Variants in ATP8A1 observed in about 807,000 individuals in gnomAD.
ATP8A1 encodes the protein ATPase phospholipid transporting 8A1, also known as phospholipid-transporting ATPase IA.
A neutral mutation model predicts 177.7 loss-of-function variants in ATP8A1; 90 were observed. The ratio of observed to expected loss-of-function variants is 0.51; its 90% CI spans 0.43 to 0.60. ATP8A1 has a LOEUF of 0.60. Ranked by LOEUF, ATP8A1 falls within the 20% of genes least tolerant of loss-of-function variation. The pLI is 0.00. For missense variants in ATP8A1, 1,072 were observed against 1,392.8 expected, an observed-to-expected ratio of 0.77 and a Z score of 3.67; for synonymous variants, 493 against 485.9, an observed-to-expected ratio of 1.01 and a Z score of -0.19.
chr4:42,654,478 G>C (rs981555633), intron 1 of ATP8A1, among the ~76,000 whole-genome samples: 1 of 152,068 alleles, frequency 6.6e-6, no homozygotes, highest in African/African-American at 2.4e-5. Flanking sequence ...GGGAGGGCAG[G>C]CTCCAAGGTC....
At chr4:42,622,986 G>A (rs1202083071) in intron 4 of ATP8A1, among the ~76,000 whole-genome samples, 2 of 142,106 alleles carry the variant, frequency 1.4e-5, no homozygotes, top group Non-Finnish European at 3.0e-5. Context: ...TCCAGCCTGG[G>A]TGATAAGAGC....
chr4:42,486,491 T>C (rs1722216417), intron 24 of ATP8A1, among the ~76,000 whole-genome samples: 1 of 152,180 alleles, frequency 6.6e-6, no homozygotes, highest in Non-Finnish European at 1.5e-5. Context: ...TATTCCTAAT[T>C]AGACGGGGAG....
chr4:42,564,974 G>A (rs1016612921), intron 15 of ATP8A1, among the ~76,000 whole-genome samples: 3 of 152,106 alleles, frequency 2.0e-5, no homozygotes, highest in Non-Finnish European at 1.5e-5. Context: ...TAAGTCTCAC[G>A]AGATCTTATG....
chr4:42,630,407 T>C (rs1008843572), intron 1 of ATP8A1, among the ~76,000 whole-genome samples: 2 of 152,182 alleles, frequency 1.3e-5, no homozygotes, highest in Non-Finnish European at 2.9e-5. Flanking sequence ...TAAGGACTAC[T>C]GAAAACTCTG....
chr4:42,641,924 G>A (rs1308301035), intron 1 of ATP8A1, among the ~76,000 whole-genome samples: 1 of 152,010 alleles, frequency 6.6e-6, no homozygotes, highest in Non-Finnish European at 1.5e-5. Flanking sequence ...AGTCAGTGGA[G>A]TTTAACTGGC....
At chr4:42,596,666 C>CAAAAAAAAAAAA (rs71648737) in intron 6 of ATP8A1, among the ~76,000 whole-genome samples, 8 of 73,950 alleles carry the variant, frequency 1.1e-4, no homozygotes, top group African/African-American at 1.5e-4. Context: ...GACTCCATCT[C>CAAAAAAAAAAAA]AAAAAAAAAA....
intron 5 of ATP8A1, among the ~76,000 whole-genome samples, chr4:42,608,723 T>C (rs1198959091): frequency 2.0e-5 from 3 of 152,164 alleles, no homozygotes; most frequent in Non-Finnish European, 4.4e-5. Context: ...ACTGTTGTCA[T>C]AGAGGAATAG....
intron 5 of ATP8A1, among the ~76,000 whole-genome samples, chr4:42,610,959 GTTGCTATTTTAAGTCCC>G (rs1736308487): frequency 6.6e-6 from 1 of 152,186 alleles, no homozygotes; most frequent in Non-Finnish European, 1.5e-5. Flanking sequence ...CAAGAAAGGT[GTTGCTATTTTAAGTCCC>G]TTAGCATAAT....
chr4:42,480,542 T>C (rs959728550), intron 25 of ATP8A1, among the ~76,000 whole-genome samples: 1 of 152,240 alleles, frequency 6.6e-6, no homozygotes, highest in African/African-American at 2.4e-5. Flanking sequence ...TGAGCATTTA[T>C]TAGCTTCATT....
At chr4:42,523,306 T>A (rs1726334749) in intron 21 of ATP8A1, among the ~76,000 whole-genome samples, 1 of 152,128 alleles carries the variant, frequency 6.6e-6, no homozygotes, top group African/African-American at 2.4e-5. Flanking sequence ...CAGTTAGATA[T>A]CTAGGTTCAC....
At chr4:42,624,449 GA>G in intron 4 of ATP8A1, 86 bp downstream of exon 4, 3 of 698,588 alleles carry the variant, frequency 4.3e-6, no homozygotes, top group Non-Finnish European at 6.7e-6. Flanking sequence ...CCCACGCCAA[GA>G]ATTAAATAAT....
chr4:42,521,065 A>T (rs775388250), intron 22 of ATP8A1, among the ~76,000 whole-genome samples: 7 of 152,204 alleles, frequency 4.6e-5, no homozygotes, highest in African/African-American at 1.7e-4. Flanking sequence ...CTTTCAAGAC[A>T]GAGGCACGAC....
chr4:42,605,028 A>C (rs535374314), intron 5 of ATP8A1, among the ~76,000 whole-genome samples: 2 of 152,316 alleles, frequency 1.3e-5, no homozygotes, highest in South Asian at 4.2e-4. Flanking sequence ...AGAAAGAAAG[A>C]CTGACTGTTT....
chr4:42,422,381 C>T (rs553223420), intron 35 of ATP8A1, among the ~76,000 whole-genome samples: 133 of 152,140 alleles, frequency 8.7e-4, no homozygotes, highest in Non-Finnish European at 1.6e-3. Context: ...TGAGCCACCA[C>T]GCCTGGCCAA....
At chr4:42,512,479 G>A (rs1242497460) in intron 22 of ATP8A1, among the ~76,000 whole-genome samples, 1 of 152,152 alleles carries the variant, frequency 6.6e-6, no homozygotes, top group Non-Finnish European at 1.5e-5. Context: ...ACTCCAAGCA[G>A]GTGCTTCTGG....
intron 19 of ATP8A1, among the ~76,000 whole-genome samples, chr4:42,544,671 T>C (rs1006403821): frequency 1.3e-5 from 2 of 152,212 alleles, no homozygotes; most frequent in African/African-American, 4.8e-5. Flanking sequence ...TGCGACAGCA[T>C]TACAAAGGAT....
rs1236935149 is a variant in ATP8A1 at position 42,409,673 on chromosome 4, T to A, written c.*3243A>T. 1 of 152,142 alleles carries A rather than the reference T, an allele frequency of 6.6e-6. No individual in the cohort carries two copies. Among genetic ancestry groups the A allele is most frequent in the Non-Finnish European group, 1.5e-5 (1 of 67,976 alleles). 9.4% of individuals were successfully genotyped at this position (152,142 alleles called of 1,614,324 possible). On this transcript the variant is annotated 3_prime_UTR_variant, in exon 37 of 37. Coordinates refer to ENST00000381668, the MANE Select transcript of ATP8A1 (RefSeq NM_006095.2). ...TAGCTTTGTAGTAATTATGACATTG[T>A]CATAATTTTAAAACTATGAATAATA...
intron 33 of ATP8A1, among the ~76,000 whole-genome samples, chr4:42,442,723 A>C (rs558506641): frequency 6.6e-6 from 1 of 152,338 alleles, no homozygotes; most frequent in East Asian, 1.9e-4. Flanking sequence ...CAAAAGTGAA[A>C]GGTACTCAGG....
At chr4:42,507,802 A>AAAC (rs1553890696) in intron 22 of ATP8A1, among the ~76,000 whole-genome samples, 3 of 147,484 alleles carry the variant, frequency 2.0e-5, no homozygotes, top group Non-Finnish European at 4.5e-5. Flanking sequence ...AAAAAAAAAA[A>AAAC]AAAAAAACAT....
Sources: allele counts gnomAD v4.1 joint callset (sites outside exome capture counted in the v4.1 genomes callset), GRCh38; gene constraint gnomAD v4.1.1; transcripts MANE v1.5; gene names NCBI Gene and HGNC (gene_info 2026-07-23, HGNC 2026-07-21).